Variants in CCNB1 observed in about 807,000 individuals in gnomAD.
CCNB1 encodes the protein G2/mitotic-specific cyclin-B1.
A neutral mutation model predicts 44.4 loss-of-function variants in CCNB1; 26 were observed. The ratio of observed to expected loss-of-function variants is 0.59; its 90% CI spans 0.43 to 0.81. The LOEUF (loss-of-function observed/expected upper bound fraction) is 0.81. Among genes scored for constraint, CCNB1 ranks in the 40% least tolerant of loss-of-function variants. The pLI is 0.00. For synonymous variants in CCNB1, 195 were observed against 181.4 expected, an observed-to-expected ratio of 1.08 and a Z score of -0.60; for missense variants, 477 against 520.9, an observed-to-expected ratio of 0.92 and a Z score of 0.82.
Position 69,177,510 on chromosome 5 carries a change from T to C in CCNB1, c.1195-14T>C, listed in dbSNP as rs193268907. ...TTCTTTTGCCTCTTTAATTGCTATC[T>C]TTTTGTCTTCCAGACTGTCAAGAAC... On this transcript the variant is annotated splice_polypyrimidine_tract_variant and intron_variant, in intron 8 of 8. Transcript: ENST00000256442. 5.3e-3 allele frequency: 8,297 copies of C among 1,572,180 alleles called. 41 individuals are homozygous for C. The highest frequency in any genetic ancestry group is 6.6e-3 in the Non-Finnish European group (7,572 of 1,144,816).
chr5:69,175,180 C>T (rs1288034239), intron 6 of CCNB1, 67 bp downstream of exon 6: 7 of 1,245,592 alleles, frequency 5.6e-6, no homozygotes, highest in East Asian at 4.6e-5. Flanking sequence ...TGACCAAGCA[C>T]GTTGAATTCA....
intron 3 of CCNB1, 92 bp downstream of exon 3, chr5:69,168,435 A>G: frequency 7.0e-7 from 1 of 1,428,486 alleles, no homozygotes; most frequent in Non-Finnish European, 9.8e-7. Context: ...GAATAGTAAT[A>G]TTAATACCAT....
rs374129207 is a variant in CCNB1, at chr5:69,168,203, A to G, written c.223A>G (p.Ile75Val). ...EAKPSATGKV[I>V]DKKLPKPLEK... ...AAAACCTTCAGCTACTGGAAAAGTC[A>G]TTGATAAAAAACTACCAAAACCTCT... Residue 75 changes from isoleucine to valine, a missense_variant, in exon 3 of 9, where the codon ATT becomes GTT. By Grantham distance (29) the Ile-to-Val change is conservative. Coordinates refer to ENST00000256442, the MANE Select transcript of CCNB1 (RefSeq NM_031966.4). 5 of 1,614,116 alleles carry G rather than the reference A, an allele frequency of 3.1e-6. No individual in the cohort carries two copies. The highest frequency in any genetic ancestry group is 1.6e-4 in the Middle Eastern group (1 of 6,084).
In CCNB1 at chr5:69,167,248, G is replaced by A. The variant is rs1025339338; in HGVS notation, c.-15G>A. 1.3e-6 allele frequency: 2 copies of A among 1,569,536 alleles called. No homozygotes were observed. Among genetic ancestry groups the A allele is most frequent in the East Asian group, 2.3e-5 (1 of 42,808 alleles). ...GCTTCTCCCCGCTGAGCTGCTGCCTGGTGAAGAGGAAGCCATGGCGCTCCG... is the reference window on the plus strand; with the variant it reads ...GCTTCTCCCCGCTGAGCTGCTGCCTAGTGAAGAGGAAGCCATGGCGCTCCG... On this transcript the variant is annotated 5_prime_UTR_variant, in exon 1 of 9. Coordinates refer to ENST00000256442, the MANE Select transcript of CCNB1 (RefSeq NM_031966.4).
At chr5:69,172,324 A>G (rs527979959) in intron 4 of CCNB1, among the ~76,000 whole-genome samples, 49 of 152,050 alleles carry the variant, frequency 3.2e-4, no homozygotes, top group Non-Finnish European at 6.9e-4. Context: ...CAGTGGTGCA[A>G]TCTCGGCTCA....
chr5:69,168,009 A>G lies in CCNB1; in HGVS notation c.123A>G (p.Pro41=). 8 of 1,614,258 alleles carry G rather than the reference A, an allele frequency of 5.0e-6. No homozygotes were observed. Among genetic ancestry groups the G allele is most frequent in the Non-Finnish European group, 6.8e-6 (8 of 1,180,042 alleles). ...CAACCTCCAAGCCCGGACTGAGGCCAAGAACAGCTCTTGGGGACATTGGTA... is the reference window on the plus strand; with the variant it reads ...CAACCTCCAAGCCCGGACTGAGGCCGAGAACAGCTCTTGGGGACATTGGTA... ...PAATSKPGLR[P]RTALGDIGNK... is the part of the protein sequence containing the mutation. The change falls in exon 2 of 9, where the codon CCA becomes CCG. Residue 41 remains proline, a synonymous_variant. Transcript: ENST00000256442.
intron 3 of CCNB1, among the ~76,000 whole-genome samples, chr5:69,169,331 A>C (rs1747409008): frequency 6.6e-6 from 1 of 152,224 alleles, no homozygotes; most frequent in South Asian, 2.1e-4. Flanking sequence ...TGCTGGGATT[A>C]CAGGCGTTAG....
At chr5:69,174,218 G>A (rs1157809616) in intron 4 of CCNB1, 33 bp from the exon 5 acceptor site, 7 of 1,607,884 alleles carry the variant, frequency 4.4e-6, no homozygotes, top group Non-Finnish European at 1.7e-6. Flanking sequence ...ATGGAGTCAT[G>A]TTTCTAAGAA....
chr5:69,171,938 T>C (rs1747468074), intron 4 of CCNB1, among the ~76,000 whole-genome samples: 1 of 152,242 alleles, frequency 6.6e-6, no homozygotes, highest in African/African-American at 2.4e-5. Context: ...CTTTTTTGGT[T>C]CACTTCAATT....
chr5:69,173,785 G>A (rs1580211937), intron 4 of CCNB1, among the ~76,000 whole-genome samples: 2 of 151,208 alleles, frequency 1.3e-5, no homozygotes, highest in Non-Finnish European at 2.9e-5. Flanking sequence ...TTTTTTTGGG[G>A]TGGGGAGACA....
At chr5:69,175,745 G>A (rs985452521) in intron 7 of CCNB1, among the ~76,000 whole-genome samples, 12 of 152,024 alleles carry the variant, frequency 7.9e-5, no homozygotes, top group African/African-American at 2.7e-4. Flanking sequence ...GTGCAGTGGT[G>A]CAGTCTTGGC....
intron 6 of CCNB1, 65 bp downstream of exon 6, chr5:69,175,178 C>T (rs1451416223): frequency 1.6e-6 from 2 of 1,257,344 alleles, no homozygotes; most frequent in Non-Finnish European, 2.3e-6. Context: ...GCTGACCAAG[C>T]ACGTTGAATT....
chr5:69,167,213 C>T lies in CCNB1; in HGVS notation c.-50C>T, dbSNP rs369287351. On this transcript the variant is annotated 5_prime_UTR_variant, in exon 1 of 9. Transcript: ENST00000256442. Reference sequence around the variant, plus strand: ...TGTAGGTCCTTGGCTGGTCGGGCCTCCGGTGTTCTGCTTCTCCCCGCTGAG... The same window carrying T: ...TGTAGGTCCTTGGCTGGTCGGGCCTTCGGTGTTCTGCTTCTCCCCGCTGAG... 7.9e-6 allele frequency: 12 copies of T among 1,513,814 alleles called. No individual in the cohort carries two copies. Among genetic ancestry groups the T allele is most frequent in the Non-Finnish European group, 1.1e-5 (12 of 1,127,448 alleles). 93.8% of individuals were successfully genotyped at this position (1,513,814 alleles called of 1,614,324 possible).
At chr5:69,174,431 T>C in intron 5 of CCNB1, 22 bp downstream of exon 5, 1 of 1,611,048 alleles carries the variant, frequency 6.2e-7, no homozygotes, top group Non-Finnish European at 8.5e-7. Flanking sequence ...AGTAAGAGTT[T>C]TCCCTTCCAG....
At chr5:69,167,523 T>A in intron 1 of CCNB1, 1 of 548,028 alleles carries the variant, frequency 1.8e-6, no homozygotes. Flanking sequence ...GATAAATGTT[T>A]TGGGGAGGTG....
chr5:69,170,610 G>A (rs141508232), intron 3 of CCNB1, among the ~76,000 whole-genome samples: 1 of 151,192 alleles, frequency 6.6e-6, no homozygotes, highest in Non-Finnish European at 1.5e-5. Context: ...GAATTTATTT[G>A]CTTCCAACTT....
chr5:69,172,308 G>A (rs1361236046), intron 4 of CCNB1, among the ~76,000 whole-genome samples: 2 of 152,034 alleles, frequency 1.3e-5, no homozygotes, highest in Non-Finnish European at 2.9e-5. Context: ...TGCCCAGGCT[G>A]GAGTGCAGTG....
chr5:69,168,741 G>C (rs1747395475), intron 3 of CCNB1, among the ~76,000 whole-genome samples: 1 of 152,194 alleles, frequency 6.6e-6, no homozygotes, highest in African/African-American at 2.4e-5. Context: ...CATCTCTGCA[G>C]AATTTATTGG....
Position 69,171,467 on chromosome 5 carries a change from TC to T in CCNB1, c.546+16del. 8 of 1,555,008 alleles carry T rather than the reference TC, an allele frequency of 5.1e-6. No homozygotes were observed. The highest frequency in any genetic ancestry group is 7.0e-6 in the Non-Finnish European group (8 of 1,146,814). On this transcript the variant is annotated intron_variant, in intron 4 of 8. Coordinates refer to ENST00000256442, the MANE Select transcript of CCNB1 (RefSeq NM_031966.4). The stretch of plus-strand genomic sequence containing the variant: ...GACAACTTGAGGTAAGTATTATCAT[TC>T]GTTTTTTTTCTAAACTGCATCTAAC...
Sources: gnomAD v4.1 joint callset for allele counts (sites outside exome capture counted in the v4.1 genomes callset) on GRCh38, gnomAD v4.1.1 for gene constraint, MANE v1.5 for transcripts, NCBI Gene and HGNC (gene_info 2026-07-23, HGNC 2026-07-21) for gene names.